The following ARHGAP42 variants were observed in gnomAD, a reference collection of about 807,000 sequenced individuals.
ARHGAP42 encodes the protein rho GTPase-activating protein 42.
Under a neutral mutation model 125.0 loss-of-function variants are expected in ARHGAP42, and 63 were observed. That is an observed-to-expected ratio of 0.50 (90% CI 0.41 to 0.62). The LOEUF is 0.62. Among genes scored for constraint, ARHGAP42 ranks in the 20% least tolerant of loss-of-function variants. The pLI, the probability that ARHGAP42 is intolerant of heterozygous loss-of-function variation, is 0.00. For missense variants in ARHGAP42, 766 were observed against 1,024.2 expected, an observed-to-expected ratio of 0.75 and a Z score of 3.44; for synonymous variants, 339 against 351.0, an observed-to-expected ratio of 0.97 and a Z score of 0.38.
At chr11:100,806,055 G>A (rs1863982022) in intron 3 of ARHGAP42, among the ~76,000 whole-genome samples, 1 of 152,086 alleles carries the variant, frequency 6.6e-6, no homozygotes, top group Non-Finnish European at 1.5e-5. Flanking sequence ...TATTCAAGAT[G>A]GACTTGCTGT....
intron 2 of ARHGAP42, among the ~76,000 whole-genome samples, chr11:100,786,918 G>T (rs1863450086): frequency 6.6e-6 from 1 of 152,032 alleles, no homozygotes; most frequent in Non-Finnish European, 1.5e-5. Context: ...ATTGGATCAT[G>T]GGGGCAGTTT....
chr11:100,987,151 G>C (rs971581069), intron 22 of ARHGAP42, among the ~76,000 whole-genome samples: 7 of 152,062 alleles, frequency 4.6e-5, no homozygotes, highest in African/African-American at 9.7e-5. Flanking sequence ...AAAGCTTTGG[G>C]GTACCTAGGA....
At chr11:100,762,892 G>A (rs1405525913) in intron 1 of ARHGAP42, among the ~76,000 whole-genome samples, 1 of 149,834 alleles carries the variant, frequency 6.7e-6, no homozygotes, top group Admixed American at 6.7e-5. Context: ...GCTGTGTAAT[G>A]TATGTGTTTT....
chr11:100,854,929 C>T (rs549122570), intron 3 of ARHGAP42, among the ~76,000 whole-genome samples: 1 of 152,220 alleles, frequency 6.6e-6, no homozygotes, highest in South Asian at 2.1e-4. Context: ...GGGAAAATAA[C>T]CCATTCTTTT....
intron 16 of ARHGAP42, 58 bp downstream of exon 16, chr11:100,962,525 T>A: frequency 7.2e-7 from 1 of 1,397,528 alleles, no homozygotes; most frequent in East Asian, 2.5e-5. Context: ...GCTGCCATAC[T>A]TAGGCATATA....
At chr11:100,836,181 G>T (rs1190495029) in intron 3 of ARHGAP42, among the ~76,000 whole-genome samples, 1 of 147,034 alleles carries the variant, frequency 6.8e-6, no homozygotes, top group Non-Finnish European at 1.5e-5. Context: ...TATGCAGTTA[G>T]TTATTAGTAG....
intron 4 of ARHGAP42, among the ~76,000 whole-genome samples, chr11:100,864,899 A>C (rs1279670159): frequency 1.3e-5 from 2 of 152,216 alleles, no homozygotes; most frequent in Admixed American, 6.5e-5. Context: ...AGTACACAGT[A>C]GGCACTTAAT....
At chr11:100,924,533 G>A (rs1867366931) in intron 6 of ARHGAP42, among the ~76,000 whole-genome samples, 1 of 151,878 alleles carries the variant, frequency 6.6e-6, no homozygotes, top group South Asian at 2.1e-4. Context: ...TGGGCATGGG[G>A]GTGTGTGCCT....
Position 100,978,197 on chromosome 11 carries a change from A to C in ARHGAP42, c.2394-790A>C, listed in dbSNP as rs552630473. 2.6e-5 allele frequency among the ~76,000 whole-genome samples: 4 copies of C among 152,322 alleles called. No individual in the cohort carries two copies. The South Asian group carries it at 6.2e-4, about 24-fold the overall frequency. ...TTTCTCTTTTGTGATTGTACCCATA[A>C]AGTAGAAATTCAAATGATTAAAGTG... On this transcript the variant is annotated intron_variant, in intron 21 of 23. Coordinates refer to ENST00000298815, the MANE Select transcript of ARHGAP42 (RefSeq NM_152432.4).
chr11:100,831,967 A>G (rs991493926), intron 3 of ARHGAP42, among the ~76,000 whole-genome samples: 5 of 152,222 alleles, frequency 3.3e-5, no homozygotes, highest in African/African-American at 4.8e-5. Flanking sequence ...ATCAAATAGG[A>G]CTTTAGTAAA....
At chr11:100,961,817 C>T in intron 15 of ARHGAP42, 49 bp downstream of exon 15, 1 of 1,453,656 alleles carries the variant, frequency 6.9e-7, no homozygotes, top group Non-Finnish European at 9.4e-7. Flanking sequence ...TCTGACTCAC[C>T]CCTTGAGTAG....
At chr11:100,789,792 T>C (rs1429809510) in intron 2 of ARHGAP42, among the ~76,000 whole-genome samples, 1 of 152,210 alleles carries the variant, frequency 6.6e-6, no homozygotes, top group Non-Finnish European at 1.5e-5. Context: ...TAAAGTGATA[T>C]AGCATGCTGT....
intron 9 of ARHGAP42, among the ~76,000 whole-genome samples, chr11:100,943,439 A>T (rs140894651): frequency 3.9e-5 from 6 of 152,226 alleles, no homozygotes; most frequent in Non-Finnish European, 7.4e-5. Context: ...GTGTAACTTC[A>T]TACGTTTTCT....
intron 3 of ARHGAP42, among the ~76,000 whole-genome samples, chr11:100,852,493 A>G (rs1456850584): frequency 6.6e-6 from 1 of 152,238 alleles, no homozygotes; most frequent in African/African-American, 2.4e-5. Flanking sequence ...GAGCAAAATT[A>G]GCCAGAAGAA....
At chr11:100,712,520 TC>T (rs1861581354) in intron 1 of ARHGAP42, among the ~76,000 whole-genome samples, 1 of 151,992 alleles carries the variant, frequency 6.6e-6, no homozygotes, top group Admixed American at 6.6e-5. Context: ...TTTTTCTTCC[TC>T]CCCCCTTCTC....
At chr11:100,899,506 C>T (rs1866467339) in intron 4 of ARHGAP42, among the ~76,000 whole-genome samples, 1 of 152,110 alleles carries the variant, frequency 6.6e-6, no homozygotes. Flanking sequence ...TAAGGACTTG[C>T]TTTATGAATC....
intron 2 of ARHGAP42, among the ~76,000 whole-genome samples, chr11:100,778,275 A>G (rs1863178755): frequency 6.6e-6 from 1 of 152,166 alleles, no homozygotes; most frequent in African/African-American, 2.4e-5. Context: ...GCCATTATCA[A>G]CCACAGCTGA....
At position 100,687,535 on chromosome 11, in the gene ARHGAP42, G is replaced by T; in HGVS notation, c.-144G>T. The T allele has an allele frequency of 5.7e-6, 3 of 530,226 alleles. No individual in the cohort carries two copies. Among genetic ancestry groups the T allele is most frequent in the Non-Finnish European group, 7.8e-6 (3 of 383,928 alleles). 32.8% of individuals were successfully genotyped at this position (530,226 alleles called of 1,614,324 possible). ...GCAGGCGGCGCGGCGCTCGGGGCCC[G>T]TTTCCTCCGCGCAATCAGTCCCCTC... On this transcript the variant is annotated 5_prime_UTR_variant, in exon 1 of 24. Transcript: ENST00000298815.
At chr11:100,818,353 C>G (rs895782444) in intron 3 of ARHGAP42, among the ~76,000 whole-genome samples, 1 of 152,076 alleles carries the variant, frequency 6.6e-6, no homozygotes, top group African/African-American at 2.4e-5. Context: ...GAGTTATTGA[C>G]GGAGATGCAT....
Sources: gnomAD v4.1 joint callset for allele counts (sites outside exome capture counted in the v4.1 genomes callset) on GRCh38, gnomAD v4.1.1 for gene constraint, MANE v1.5 for transcripts, NCBI Gene and HGNC (gene_info 2026-07-23, HGNC 2026-07-21) for gene names.